Variants in RTTN observed in about 807,000 individuals in gnomAD.
RTTN encodes rotatin.
Under a neutral mutation model 269.2 loss-of-function variants are expected in RTTN, and 182 were observed. The ratio of observed to expected loss-of-function variants is 0.68; its 90% CI spans 0.60 to 0.76. RTTN has a LOEUF of 0.76. Ranked by LOEUF, RTTN falls within the 30% of genes least tolerant of loss-of-function variation. The pLI is 0.00. For missense variants in RTTN, 2,545 were observed against 2,608.6 expected (o/e 0.98, Z 0.53); for synonymous variants, 1,006 against 963.5 (o/e 1.04, Z -0.82).
chr18:70,112,483 CAAA>C lies in RTTN; in HGVS notation c.3683+1959_3683+1961del, dbSNP rs36147576. ...GATGATTTATCAAGCAAATGGAAAG[CAAA>C]AAAAAAAAAAAAAAAGCAAGAGCTA... is the stretch of plus-strand genomic sequence containing the variant. On this transcript the variant is annotated intron_variant, in intron 27 of 48. Coordinates refer to ENST00000640769, the MANE Select transcript of RTTN (RefSeq NM_173630.4). Among the ~76,000 whole-genome samples the C allele has an allele frequency of 2.4e-3, 166 of 68,054 alleles. 1 individual carries two copies. The highest frequency in any genetic ancestry group is 2.9e-3 in the Non-Finnish European group (114 of 38,656). The allele number at this position is 68,054 out of a possible 152,430, so 44.6% of individuals were successfully genotyped here. A position where few individuals can be genotyped will look rare whatever the true frequency, so the allele number is the denominator to read the frequency against.
chr18:70,204,205 A>G lies in RTTN; in HGVS notation c.278T>C (p.Leu93Pro). 2 of 1,614,164 alleles carry G rather than the reference A, an allele frequency of 1.2e-6. No homozygotes were observed. Among genetic ancestry groups the G allele is most frequent in the South Asian group, 1.1e-5 (1 of 91,076 alleles). Residue 93 changes from leucine (L) to proline (P), a missense_variant, in exon 3 of 49, where the codon CTT (leucine) becomes CCT (proline). Leu to Pro is a moderately conservative substitution (Grantham distance 98). Coordinates refer to ENST00000640769, the MANE Select transcript of RTTN (RefSeq NM_173630.4). ...CAGATTTGGCTCCACATTAGACCGA[A>G]GCTTAGATAAGAACTCTACTGCACC... Reference protein sequence around the residue: ...DVGAVEFLSKLRSNVEPNLQA... With the variant: ...DVGAVEFLSKPRSNVEPNLQA...
chr18:70,126,054 A>G (rs904611504), intron 25 of RTTN, among the ~76,000 whole-genome samples: 2 of 152,064 alleles, frequency 1.3e-5, no homozygotes, highest in Non-Finnish European at 2.9e-5. Context: ...ATGTGTGTAT[A>G]TATTAAACAT....
intron 27 of RTTN, 129 bp from the exon 28 acceptor site, chr18:70,109,846 A>C (rs2059417225): frequency 1.5e-6 from 1 of 669,488 alleles, no homozygotes; most frequent in South Asian, 1.9e-5. Flanking sequence ...AAAATGGCAG[A>C]AAATAGTCTC....
intron 28 of RTTN, among the ~76,000 whole-genome samples, chr18:70,102,710 C>T (rs568158472): frequency 1.3e-5 from 2 of 152,254 alleles, no homozygotes; most frequent in South Asian, 2.1e-4. Context: ...TGGCTGGTAC[C>T]GCTTGTTCCT....
chr18:70,072,705 A>G (rs76432822), intron 34 of RTTN, among the ~76,000 whole-genome samples: 2,951 of 152,288 alleles, frequency 0.019, 95 homozygotes, highest in African/African-American at 0.066. Context: ...TTTCAAGGCT[A>G]GTCTATAGCC....
At chr18:70,029,705 T>C (rs914094164) in intron 42 of RTTN, among the ~76,000 whole-genome samples, 1 of 152,220 alleles carries the variant, frequency 6.6e-6, no homozygotes, top group Non-Finnish European at 1.5e-5. Flanking sequence ...CCTATGCTTG[T>C]TTTGAGATAA....
chr18:70,111,863 C>T (rs1185407653), intron 27 of RTTN, among the ~76,000 whole-genome samples: 2 of 152,022 alleles, frequency 1.3e-5, no homozygotes, highest in Non-Finnish European at 2.9e-5. Flanking sequence ...ATCAGATTTA[C>T]CAAAGATTAA....
rs1355981470 is a variant in RTTN at position 70,030,768 on chromosome 18, T to C, written c.5647+108A>G. On this transcript the variant is annotated intron_variant, in intron 41 of 48. Coordinates refer to ENST00000640769, the MANE Select transcript of RTTN (RefSeq NM_173630.4). ...ATTATTTTTAGTGACACTGAGATTA[T>C]ACTATACGTTTTTTACATTTTGAGT... The C allele has an allele frequency of 6.6e-6, 5 of 759,970 alleles. No individual in the cohort carries two copies. The African/African-American group carries it at 6.9e-5, about 11-fold the overall frequency. 47.1% of individuals were successfully genotyped at this position (759,970 alleles called of 1,614,324 possible). A position where few individuals can be genotyped will look rare whatever the true frequency, so the allele number is the denominator to read the frequency against.
intron 11 of RTTN, among the ~76,000 whole-genome samples, chr18:70,172,248 A>G (rs2061162027): frequency 6.6e-6 from 1 of 152,244 alleles, no homozygotes; most frequent in Non-Finnish European, 1.5e-5. Flanking sequence ...TATCAGTTTC[A>G]AAACAGGCAT....
At position 70,196,538 on chromosome 18, in the gene RTTN, G is replaced by A. The variant is rs760563912; in HGVS notation, c.804C>T (p.Asn268=). 1 of 1,612,878 alleles carries A rather than the reference G, an allele frequency of 6.2e-7. No homozygotes were observed. Among genetic ancestry groups the A allele is most frequent in the Non-Finnish European group, 8.5e-7 (1 of 1,179,720 alleles). The change falls in exon 7 of 49, where the codon AAC becomes AAT. Residue 268 remains asparagine, a synonymous_variant. Coordinates refer to ENST00000640769, the MANE Select transcript of RTTN (RefSeq NM_173630.4). ...QLCMYLRNRL[N]FHRDPGFFSN... is the part of the protein sequence containing the mutation. ...AGAAAAAACCTGGATCTCGGTGAAAGTTAAGTCTGTTTCTTAAATACATGC... is the reference window on the plus strand; with the variant it reads ...AGAAAAAACCTGGATCTCGGTGAAAATTAAGTCTGTTTCTTAAATACATGC...
chr18:70,168,920 G>C lies in RTTN; in HGVS notation c.1624C>G (p.Arg542Gly). Residue 542 changes from arginine (R) to glycine (G), a missense_variant, in exon 12 of 49, where the codon CGA (arginine) becomes GGA (glycine). Arg to Gly is a moderately radical substitution (Grantham distance 125). Transcript: ENST00000640769. ...LNSENYSIYK[R>G]TAEAVYSIEC... Reference sequence around the variant, plus strand: ...ATTGAATAAACGGCCTCTGCAGTTCGTTTATAAATACTGTAGTTTTCAGAA... The same window carrying C: ...ATTGAATAAACGGCCTCTGCAGTTCCTTTATAAATACTGTAGTTTTCAGAA... The C allele has an allele frequency of 3.1e-6, 5 of 1,613,278 alleles. No individual in the cohort carries two copies. Among genetic ancestry groups the C allele is most frequent in the Non-Finnish European group, 4.2e-6 (5 of 1,179,712 alleles).
intron 32 of RTTN, among the ~76,000 whole-genome samples, chr18:70,080,855 T>C (rs988183603): frequency 1.3e-5 from 2 of 151,724 alleles, no homozygotes; most frequent in East Asian, 1.9e-4. Context: ...GCAGCACAAT[T>C]TGCAATTGCA....
intron 10 of RTTN, among the ~76,000 whole-genome samples, chr18:70,186,136 T>C (rs2061541222): frequency 6.7e-6 from 1 of 149,368 alleles, no homozygotes; most frequent in African/African-American, 2.5e-5. Context: ...ACAACTGGAA[T>C]GTCCATAGGA....
chr18:70,006,124 T>A (rs2056178082), intron 47 of RTTN: 2 of 346,688 alleles, frequency 5.8e-6, no homozygotes, highest in Admixed American at 4.4e-5. Flanking sequence ...ATAAAGTAAA[T>A]CAATTTAAAT....
Position 70,065,688 on chromosome 18 carries a change from T to C in RTTN, c.4747+141A>G, listed in dbSNP as rs549869264. 2.8e-4 allele frequency: 129 copies of C among 457,190 alleles called. 1 individual carries two copies. The highest frequency in any genetic ancestry group is 2.5e-3 in the African/African-American group (124 of 50,532). The allele number at this position is 457,190 out of a possible 1,614,324, so 28.3% of individuals were successfully genotyped here. On this transcript the variant is annotated intron_variant, in intron 35 of 48. Transcript: ENST00000640769. ...ATTTATTTTATTAATTTCTGATATATTGGTTCTAAATGTATTTCATAATGG... is the reference window on the plus strand; with the variant it reads ...ATTTATTTTATTAATTTCTGATATACTGGTTCTAAATGTATTTCATAATGG...
At chr18:70,036,503 G>A (rs558259700) in intron 40 of RTTN, among the ~76,000 whole-genome samples, 5 of 152,234 alleles carry the variant, frequency 3.3e-5, no homozygotes, top group Non-Finnish European at 4.4e-5. Context: ...TGAGAGCACC[G>A]GGACACAAAG....
chr18:70,018,497 T>C (rs983492606), intron 45 of RTTN, among the ~76,000 whole-genome samples: 1 of 152,216 alleles, frequency 6.6e-6, no homozygotes, highest in Admixed American at 6.5e-5. Context: ...CTTCTCTCTC[T>C]CTGTTTAAAT....
At chr18:70,016,689 T>C (rs1333332875) in intron 46 of RTTN, among the ~76,000 whole-genome samples, 5 of 152,132 alleles carry the variant, frequency 3.3e-5, no homozygotes, top group African/African-American at 1.2e-4. Flanking sequence ...CTGTCCTACA[T>C]CTCAGAGAAT....
intron 19 of RTTN, among the ~76,000 whole-genome samples, chr18:70,142,077 A>G (rs181225346): frequency 6.6e-6 from 1 of 152,326 alleles, no homozygotes; most frequent in East Asian, 1.9e-4. Flanking sequence ...TGCTAGACAC[A>G]CACATATGGT....
Sources: gnomAD v4.1 joint callset for allele counts (sites outside exome capture counted in the v4.1 genomes callset) on GRCh38, gnomAD v4.1.1 for gene constraint, MANE v1.5 for transcripts, NCBI Gene and HGNC (gene_info 2026-07-23, HGNC 2026-07-21) for gene names.